The following PLEKHS1 variants were observed in gnomAD, a reference collection of about 807,000 sequenced individuals.
PLEKHS1 encodes pleckstrin homology domain containing S1.
A neutral mutation model predicts 51.0 loss-of-function variants in PLEKHS1; 55 were observed. The observed-to-expected ratio is 1.08, with a 90% CI of 0.87 to 1.35. PLEKHS1 has a LOEUF of 1.35. PLEKHS1 is among the 40% of genes most tolerant of loss of function. PLEKHS1 has a pLI of 0.00. For synonymous variants in PLEKHS1, 153 were observed against 144.8 expected, an observed-to-expected ratio of 1.06 and a Z score of -0.41; for missense variants, 398 against 423.0, an observed-to-expected ratio of 0.94 and a Z score of 0.52.
chr10:113,776,618 G>A (rs1844677276), intron 11 of PLEKHS1, among the ~76,000 whole-genome samples: 1 of 152,050 alleles, frequency 6.6e-6, no homozygotes. Context: ...TCATTTATTT[G>A]TTCATTATAT....
At chr10:113,771,906 T>A in intron 7 of PLEKHS1, 64 bp from the exon 8 acceptor site, 1 of 1,547,788 alleles carries the variant, frequency 6.5e-7, no homozygotes, top group Non-Finnish European at 8.7e-7. Context: ...TTTTCTAGAA[T>A]GCATGTGATT....
At chr10:113,754,782 C>A (rs899543051) in intron 1 of PLEKHS1, among the ~76,000 whole-genome samples, 2 of 152,166 alleles carry the variant, frequency 1.3e-5, no homozygotes, top group African/African-American at 2.4e-5. Flanking sequence ...CCGTGCCTGG[C>A]GGTCCTTGTT....
chr10:113,756,946 T>A lies in PLEKHS1; in HGVS notation c.28+1641T>A, dbSNP rs188363725. ...TTTTTTTTTTTTTTGAGACGGAGTC[T>A]CACTCTGTCGCTCAGGCTGGAGTGC... On this transcript the variant is annotated intron_variant, in intron 2 of 11. Transcript: ENST00000361048. Among the ~76,000 whole-genome samples, 18 of 137,262 alleles carry A rather than the reference T, an allele frequency of 1.3e-4. No individual in the cohort carries two copies. The East Asian group carries it at 3.3e-3, about 25-fold the overall frequency. The allele number at this position is 137,262 out of a possible 152,430, so 90.0% of individuals were successfully genotyped here.
At chr10:113,769,092 A>T (rs1844288771) in intron 6 of PLEKHS1, among the ~76,000 whole-genome samples, 3 of 152,218 alleles carry the variant, frequency 2.0e-5, no homozygotes, top group Admixed American at 2.0e-4. Context: ...TAAAGTACAG[A>T]CACTTCAGAT....
At chr10:113,777,480 G>A in intron 11 of PLEKHS1, 3 of 1,591,204 alleles carry the variant, frequency 1.9e-6, no homozygotes, top group Non-Finnish European at 2.6e-6. Context: ...AGAGCACCTG[G>A]GTTCAGGACC....
At chr10:113,776,396 A>T (rs938773710) in intron 11 of PLEKHS1, among the ~76,000 whole-genome samples, 7 of 152,214 alleles carry the variant, frequency 4.6e-5, no homozygotes, top group African/African-American at 1.7e-4. Flanking sequence ...GCATTTTTTT[A>T]AAACACTTTG....
intron 2 of PLEKHS1, among the ~76,000 whole-genome samples, chr10:113,759,544 T>A (rs1201981862): frequency 6.6e-6 from 1 of 152,234 alleles, no homozygotes; most frequent in Non-Finnish European, 1.5e-5. Context: ...TACACCCTTT[T>A]GTCTGACTTT....
chr10:113,759,901 TA>T (rs1237603737), intron 2 of PLEKHS1, among the ~76,000 whole-genome samples: 1 of 152,206 alleles, frequency 6.6e-6, no homozygotes, highest in Non-Finnish European at 1.5e-5. Flanking sequence ...CTGACATGTT[TA>T]AAGTCTACAA....
chr10:113,765,294 T>C (rs1844110749), intron 2 of PLEKHS1: 1 of 770,278 alleles, frequency 1.3e-6, no homozygotes, highest in African/African-American at 1.7e-5. Context: ...AACTAGTAAT[T>C]AGTGTAGAGC....
At position 113,761,088 on chromosome 10, in the gene PLEKHS1, C is replaced by A. The variant is rs527528191; in HGVS notation, c.29-5323C>A. On this transcript the variant is annotated intron_variant, in intron 2 of 11. Transcript: ENST00000361048. ...TCTCTCCCCATTGAATGGCCGTGAC[C>A]ACTAATGTATGGGTTTGTTTCTGGA... 1.4e-3 allele frequency among the ~76,000 whole-genome samples: 207 copies of A among 152,256 alleles called. 1 individual carries two copies. In the Middle Eastern group the frequency reaches 0.017, roughly 13 times the overall value.
rs2134571171 is a variant in PLEKHS1, at chr10:113,775,674, C to A, written c.990-91C>A. 3 of 752,392 alleles carry A rather than the reference C, an allele frequency of 4.0e-6. No homozygotes were observed. The East Asian group carries it at 8.0e-5, about 20-fold the overall frequency. The allele number at this position is 752,392 out of a possible 1,614,324, so 46.6% of individuals were successfully genotyped here. ...AACCTTTACCTGGACAATGTCATCTCAGAAATAGAGGCCAAAAGTCTACTC... is the reference window on the plus strand; with the variant it reads ...AACCTTTACCTGGACAATGTCATCTAAGAAATAGAGGCCAAAAGTCTACTC... On this transcript the variant is annotated intron_variant, in intron 10 of 11. Transcript: ENST00000361048.
intron 2 of PLEKHS1, 176 bp downstream of exon 2, chr10:113,755,481 A>G: frequency 8.2e-7 from 1 of 1,221,314 alleles, no homozygotes; most frequent in African/African-American, 1.6e-5. Context: ...GCACGATCTA[A>G]GCTCACTGCA....
intron 4 of PLEKHS1, 93 bp downstream of exon 4, chr10:113,766,811 C>T: frequency 2.2e-6 from 2 of 919,412 alleles, no homozygotes; most frequent in Admixed American, 2.8e-5. Flanking sequence ...ACATAATTGA[C>T]CAAAGGAACC....
At chr10:113,758,442 T>C (rs1271557052) in intron 2 of PLEKHS1, among the ~76,000 whole-genome samples, 2 of 152,152 alleles carry the variant, frequency 1.3e-5, no homozygotes, top group African/African-American at 4.8e-5. Flanking sequence ...TTTTTTTTTC[T>C]AAGTAGCAGG....
intron 3 of PLEKHS1, 27 bp from the exon 4 acceptor site, chr10:113,766,585 A>C: frequency 6.3e-7 from 1 of 1,589,558 alleles, no homozygotes; most frequent in South Asian, 1.1e-5. Context: ...AGATTTAACT[A>C]AGACATAAAA....
At chr10:113,763,612 T>G (rs1021617562) in intron 2 of PLEKHS1, among the ~76,000 whole-genome samples, 1 of 152,228 alleles carries the variant, frequency 6.6e-6, no homozygotes, top group Non-Finnish European at 1.5e-5. Context: ...CTTTCTGTTT[T>G]GTTATTTTAG....
intron 11 of PLEKHS1, 64 bp from the exon 12 acceptor site, chr10:113,777,060 C>T (rs572380042): frequency 1.4e-4 from 228 of 1,583,590 alleles, no homozygotes; most frequent in Middle Eastern, 2.1e-4. Context: ...GGAGACCCTG[C>T]GTGCCCTGCC....
chr10:113,782,509 G>A (rs1359999661), downstream of PLEKHS1: 1 of 152,270 alleles, frequency 6.6e-6, no homozygotes, highest in African/African-American at 2.4e-5. Flanking sequence ...AGCCTGGTGG[G>A]AGGCAGCTGG....
chr10:113,758,409 T>A (rs1843769574), intron 2 of PLEKHS1, among the ~76,000 whole-genome samples: 1 of 152,162 alleles, frequency 6.6e-6, no homozygotes, highest in South Asian at 2.1e-4. Flanking sequence ...TTGTCAATGA[T>A]CAGTAATATT....
Sources: allele counts gnomAD v4.1 joint callset (sites outside exome capture counted in the v4.1 genomes callset), GRCh38; gene constraint gnomAD v4.1.1; transcripts MANE v1.5; gene names NCBI Gene and HGNC (gene_info 2026-07-23, HGNC 2026-07-21).